TCF4: variants seen among roughly 807,000 people sequenced by gnomAD.
TCF4 encodes transcription factor 4.
A neutral mutation model predicts 82.1 loss-of-function variants in TCF4; 3 were observed. The ratio of observed to expected loss-of-function variants is 0.04; its 90% CI spans 0.02 to 0.09. The LOEUF is 0.09. Among genes scored for constraint, TCF4 ranks in the 10% least tolerant of loss-of-function variants. The probability of loss-of-function intolerance (pLI) is 1.00; values close to 1 mark genes in which losing one functional copy is unlikely to be tolerated. For missense variants in TCF4, 518 were observed against 852.7 expected (o/e 0.61, Z 4.89); for synonymous variants, 276 against 309.6 (o/e 0.89, Z 1.14).
intron 3 of TCF4, among the ~76,000 whole-genome samples, chr18:55,476,459 T>A (rs186097336): frequency 6.6e-6 from 1 of 151,514 alleles, no homozygotes; most frequent in Non-Finnish European, 1.5e-5. Context: ...CGTTGTTTTT[T>A]TGTTTTTTGT....
intron 15 of TCF4, among the ~76,000 whole-genome samples, chr18:55,236,369 T>G (rs73487020): frequency 0.11 from 17,155 of 152,178 alleles, 1,111 homozygotes; most frequent in African/African-American, 0.15. Flanking sequence ...GCCCATTCCA[T>G]TTTTACCACA....
intron 1 of TCF4, among the ~76,000 whole-genome samples, chr18:55,587,740 G>C (rs945646787): frequency 6.6e-6 from 1 of 151,774 alleles, no homozygotes; most frequent in East Asian, 2.0e-4. Flanking sequence ...GGAGTGGAGG[G>C]TCGGGTCCTC....
chr18:55,417,164 A>T (rs2094553837), intron 5 of TCF4, among the ~76,000 whole-genome samples: 1 of 152,220 alleles, frequency 6.6e-6, no homozygotes, highest in South Asian at 2.1e-4. Flanking sequence ...GTTTAAATGC[A>T]GTCCCTCACA....
At chr18:55,436,812 G>A (rs375168036) in intron 5 of TCF4, among the ~76,000 whole-genome samples, 2 of 152,216 alleles carry the variant, frequency 1.3e-5, no homozygotes, top group South Asian at 2.1e-4. Flanking sequence ...TATTATCCAC[G>A]TCACTATTTT....
chr18:55,537,010 T>C (rs543332460), intron 3 of TCF4, among the ~76,000 whole-genome samples: 2 of 151,918 alleles, frequency 1.3e-5, no homozygotes, highest in East Asian at 3.9e-4. Context: ...GGCGGGCGCC[T>C]GTAGTCCCAG....
At chr18:55,623,527 C>T (rs1039002362) in intron 2 of TCF4, among the ~76,000 whole-genome samples, 1 of 152,118 alleles carries the variant, frequency 6.6e-6, no homozygotes, top group African/African-American at 2.4e-5. Context: ...TATTACATCA[C>T]AAATGAATAC....
At chr18:55,286,930 T>C (rs1351068299) in intron 8 of TCF4, among the ~76,000 whole-genome samples, 2 of 152,246 alleles carry the variant, frequency 1.3e-5, no homozygotes, top group Non-Finnish European at 1.5e-5. Flanking sequence ...AACATTTCAC[T>C]GGTGTAAGCT....
chr18:55,531,774 T>C (rs1454070860), intron 3 of TCF4, among the ~76,000 whole-genome samples: 2 of 152,224 alleles, frequency 1.3e-5, no homozygotes, highest in Non-Finnish European at 2.9e-5. Flanking sequence ...TTTCCAAGAC[T>C]TATTATGGAA....
intron 3 of TCF4, among the ~76,000 whole-genome samples, chr18:55,556,034 A>C (rs2097300834): frequency 6.6e-6 from 1 of 152,194 alleles, no homozygotes; most frequent in South Asian, 2.1e-4. Flanking sequence ...CCCAAATGAG[A>C]AGTAATGTCC....
intron 6 of TCF4, among the ~76,000 whole-genome samples, chr18:55,403,153 C>G (rs2093919309): frequency 6.6e-6 from 1 of 152,156 alleles, no homozygotes; most frequent in East Asian, 1.9e-4. Flanking sequence ...CAAATAAACT[C>G]TTTTAATAGA....
intron 15 of TCF4, among the ~76,000 whole-genome samples, chr18:55,249,074 G>A (rs1007791618): frequency 1.3e-5 from 2 of 152,060 alleles, no homozygotes; most frequent in Non-Finnish European, 2.9e-5. Flanking sequence ...TTCTACTAGT[G>A]AGTACCCATG....
intron 3 of TCF4, chr18:55,482,728 T>C (rs1180097895): frequency 6.6e-6 from 1 of 152,186 alleles, no homozygotes; most frequent in Non-Finnish European, 1.5e-5. Context: ...TCCAGTTACC[T>C]TGATTGCCTT....
intron 2 of TCF4, among the ~76,000 whole-genome samples, chr18:55,599,889 A>G (rs1455213631): frequency 2.6e-5 from 4 of 152,176 alleles, no homozygotes; most frequent in African/African-American, 4.8e-5. Flanking sequence ...GTGAATACCC[A>G]TCCCATTGAA....
At chr18:55,355,961 T>A (rs986450441) in intron 6 of TCF4, among the ~76,000 whole-genome samples, 1 of 152,170 alleles carries the variant, frequency 6.6e-6, no homozygotes, top group Non-Finnish European at 1.5e-5. Flanking sequence ...TGGTTGAACC[T>A]TAGCTCAAAG....
intron 15 of TCF4, among the ~76,000 whole-genome samples, chr18:55,241,225 G>A (rs1048132356): frequency 7.2e-5 from 11 of 152,114 alleles, no homozygotes; most frequent in Admixed American, 4.6e-4. Context: ...TAACTCATAC[G>A]TTCCATCTAT....
At chr18:55,608,686 GTATTATC>G (rs1401234611) in intron 2 of TCF4, among the ~76,000 whole-genome samples, 3 of 152,090 alleles carry the variant, frequency 2.0e-5, no homozygotes, top group Non-Finnish European at 4.4e-5. Flanking sequence ...TTCAAAGAAG[GTATTATC>G]CTTTTGAATA....
chr18:55,293,930 ACTTTTTTTTTTTT>A (rs2065761381), intron 8 of TCF4, among the ~76,000 whole-genome samples: 1 of 22,660 alleles, frequency 4.4e-5, no homozygotes, highest in African/African-American at 1.1e-4. Context: ...CTTTCCAAGG[ACTTTTTTTTTTTT>A]TTTTTTTTTT....
intron 8 of TCF4, among the ~76,000 whole-genome samples, chr18:55,316,783 AC>A (rs1369292784): frequency 4.6e-5 from 7 of 152,012 alleles, no homozygotes; most frequent in Admixed American, 4.6e-4. Flanking sequence ...TTTCTCCCCA[AC>A]CCTCTTTCTC....
At chr18:55,474,114 A>G (rs1298900769) in intron 3 of TCF4, among the ~76,000 whole-genome samples, 1 of 152,230 alleles carries the variant, frequency 6.6e-6, no homozygotes, top group Non-Finnish European at 1.5e-5. Context: ...ACAGTTGTAT[A>G]AATCTACCTC....
Sources: gnomAD v4.1 joint callset for allele counts (sites outside exome capture counted in the v4.1 genomes callset) on GRCh38, gnomAD v4.1.1 for gene constraint, MANE v1.5 for transcripts, NCBI Gene and HGNC (gene_info 2026-07-23, HGNC 2026-07-21) for gene names.